The following MBD5 variants were observed in gnomAD, a reference collection of about 807,000 sequenced individuals.
The protein encoded by MBD5 is methyl-CpG-binding domain protein 5.
Under a neutral mutation model 117.3 loss-of-function variants are expected in MBD5, and 13 were observed. The observed-to-expected ratio is 0.11, with a 90% confidence interval of 0.07 to 0.18. MBD5 has a LOEUF of 0.18. Ranked by LOEUF, MBD5 falls within the 10% of genes least tolerant of loss-of-function variation. MBD5 has a pLI of 1.00. For synonymous variants in MBD5, 727 were observed against 766.4 expected (o/e 0.95, Z 0.85); for missense variants, 1,879 against 2,093.8 (o/e 0.90, Z 2.00).
intron 1 of MBD5, among the ~76,000 whole-genome samples, chr2:148,051,777 G>A (rs1206157691): frequency 2.0e-5 from 3 of 151,918 alleles, no homozygotes. Context: ...ATTTTGTTGA[G>A]TATTCTTGAA....
chr2:148,477,971 T>G (rs1019981550), intron 8 of MBD5, among the ~76,000 whole-genome samples: 1 of 152,174 alleles, frequency 6.6e-6, no homozygotes, highest in Non-Finnish European at 1.5e-5. Context: ...ACTTCATTGG[T>G]CTCTTTGATA....
chr2:148,493,343 G>A (rs545066245), intron 11 of MBD5, among the ~76,000 whole-genome samples: 2 of 152,122 alleles, frequency 1.3e-5, no homozygotes, highest in African/African-American at 2.4e-5. Context: ...AAAAATCTAC[G>A]TTAACACAAG....
chr2:148,086,580 A>T (rs1055264635), intron 1 of MBD5, among the ~76,000 whole-genome samples: 1 of 152,128 alleles, frequency 6.6e-6, no homozygotes, highest in Non-Finnish European at 1.5e-5. Context: ...AACCCCTACC[A>T]CAGCCTTTAC....
chr2:148,447,178 G>GGAAAGAAA (rs70995316), intron 4 of MBD5, among the ~76,000 whole-genome samples: 4,039 of 137,582 alleles, frequency 0.029, 123 homozygotes, highest in African/African-American at 0.072. Flanking sequence ...AAAGGAAGAA[G>GGAAAGAAA]GAAAGAAAGA....
intron 1 of MBD5, among the ~76,000 whole-genome samples, chr2:148,066,360 A>G (rs2105037592): frequency 6.6e-6 from 1 of 152,268 alleles, no homozygotes; most frequent in African/African-American, 2.4e-5. Flanking sequence ...TTGTTTTACT[A>G]GGTAAATATT....
Position 148,422,682 on chromosome 2 carries a change from A to G in MBD5, c.-556-35521A>G, listed in dbSNP as rs112910920. ...AACCCAATTCAAGGAAGCTAAGAAC[A>G]TTGAAAAAAGGTTAGACAAATGGCT... On this transcript the variant is annotated intron_variant, in intron 4 of 13. Transcript: ENST00000642680. Among the ~76,000 whole-genome samples the G allele has an allele frequency of 5.5e-3, 843 of 152,304 alleles. 8 individuals carry two copies. Among genetic ancestry groups the G allele is most frequent in the African/African-American group, 0.02 (816 of 41,580 alleles).
chr2:148,061,653 CTG>C (rs1170686569), intron 1 of MBD5, among the ~76,000 whole-genome samples: 1 of 151,462 alleles, frequency 6.6e-6, no homozygotes, highest in Admixed American at 6.6e-5. Flanking sequence ...TGTGTGTCAT[CTG>C]TGTGTGTAAT....
At chr2:148,148,211 A>C (rs997274054) in intron 1 of MBD5, among the ~76,000 whole-genome samples, 4 of 152,206 alleles carry the variant, frequency 2.6e-5, no homozygotes, top group Non-Finnish European at 5.9e-5. Flanking sequence ...GCTGCCAGAT[A>C]GGTCAAATGG....
At chr2:148,453,091 T>A (rs1706776517) in intron 4 of MBD5, among the ~76,000 whole-genome samples, 1 of 152,120 alleles carries the variant, frequency 6.6e-6, no homozygotes, top group Non-Finnish European at 1.5e-5. Context: ...GCTCTTAGAG[T>A]GTTTACATTC....
intron 1 of MBD5, among the ~76,000 whole-genome samples, chr2:148,030,581 A>T (rs1426112241): frequency 6.6e-6 from 1 of 152,214 alleles, no homozygotes; most frequent in East Asian, 1.9e-4. Context: ...TACATTAAGA[A>T]AAAATCTGGA....
chr2:148,124,522 G>C (rs189588735), intron 1 of MBD5, among the ~76,000 whole-genome samples: 1 of 151,108 alleles, frequency 6.6e-6, no homozygotes, highest in East Asian at 2.0e-4. Context: ...AGATTGCAGT[G>C]AGCTGTCATT....
chr2:148,405,806 C>T (rs889180572), intron 4 of MBD5, among the ~76,000 whole-genome samples: 1 of 151,966 alleles, frequency 6.6e-6, no homozygotes, highest in African/African-American at 2.4e-5. Flanking sequence ...ACTTCAAGAC[C>T]TTCTTTGTCT....
chr2:148,184,354 T>C (rs1698602685), intron 2 of MBD5, among the ~76,000 whole-genome samples: 1 of 152,150 alleles, frequency 6.6e-6, no homozygotes, highest in Non-Finnish European at 1.5e-5. Flanking sequence ...ATGTTAGCAC[T>C]GTCAATCCCT....
chr2:148,036,097 C>G (rs754803027), intron 1 of MBD5, among the ~76,000 whole-genome samples: 11 of 151,926 alleles, frequency 7.2e-5, no homozygotes, highest in Non-Finnish European at 1.3e-4. Context: ...TTTTATGTGT[C>G]TTTTTACATT....
intron 2 of MBD5, among the ~76,000 whole-genome samples, chr2:148,230,294 C>G (rs1321296744): frequency 3.9e-5 from 6 of 152,168 alleles, no homozygotes; most frequent in African/African-American, 1.4e-4. Flanking sequence ...CTTCCCTTCC[C>G]TTTTTAAAGG....
chr2:148,361,455 A>T (rs1280535058), intron 4 of MBD5, among the ~76,000 whole-genome samples: 1 of 152,180 alleles, frequency 6.6e-6, no homozygotes, highest in Non-Finnish European at 1.5e-5. Context: ...CTGTTTTATT[A>T]GTATTTCCAA....
chr2:148,374,488 C>T (rs1476925291), intron 4 of MBD5, among the ~76,000 whole-genome samples: 2 of 152,074 alleles, frequency 1.3e-5, no homozygotes, highest in African/African-American at 4.8e-5. Flanking sequence ...TTATTACTTC[C>T]ATAAATTATA....
In MBD5 at chr2:148,308,263, T is replaced by TA. The variant is rs1245144421; in HGVS notation, c.-679-33947dup. Among the ~76,000 whole-genome samples the TA allele has an allele frequency of 1.0e-3, 153 of 152,294 alleles. 3 individuals carry two copies. The highest frequency in any genetic ancestry group is 2.1e-4 in the Non-Finnish European group (14 of 68,012). On this transcript the variant is annotated intron_variant, in intron 3 of 13. Transcript: ENST00000642680. The stretch of plus-strand genomic sequence containing the variant: ...ATTAATTTACCCTCCCACCACAGTG[T>TA]AAAAGCGTTCCTATTTCTCCACATC...
At chr2:148,146,821 T>C (rs1697480655) in intron 1 of MBD5, among the ~76,000 whole-genome samples, 1 of 152,194 alleles carries the variant, frequency 6.6e-6, no homozygotes, top group African/African-American at 2.4e-5. Context: ...ATAGTCTCAA[T>C]TAACCTGTCA....
Sources: allele counts gnomAD v4.1 joint callset (sites outside exome capture counted in the v4.1 genomes callset), GRCh38; gene constraint gnomAD v4.1.1; transcripts MANE v1.5; gene names NCBI Gene and HGNC (gene_info 2026-07-23, HGNC 2026-07-21).